The following ITGA2B variants were observed in gnomAD, a reference collection of about 807,000 sequenced individuals.
The protein encoded by ITGA2B is integrin subunit alpha 2b.
A neutral mutation model predicts 142.0 loss-of-function variants in ITGA2B; 91 were observed. The observed-to-expected ratio is 0.64, with a 90% CI of 0.54 to 0.76. The LOEUF is 0.76. ITGA2B is among the 30% of genes least tolerant of loss of function. The pLI, the probability that ITGA2B is intolerant of heterozygous loss-of-function variation, is 0.00. For missense variants in ITGA2B, 1,231 were observed against 1,350.8 expected (o/e 0.91, Z 1.39); for synonymous variants, 536 against 567.2 (o/e 0.94, Z 0.78).
rs372777804 is a variant in ITGA2B, at chr17:44,378,446, G to T, written c.2010C>A (p.Asn670Lys). Residue 670 changes from asparagine (N) to lysine (K), a missense_variant, in exon 20 of 30, where the codon AAC (asparagine) becomes AAA (lysine). Transcript: ENST00000262407. ...NVLELQMDAA[N>K]EGEGAYEAEL... ...CTGCTTCATAGGCCCCCTCGCCCTC[G>T]TTGGCTGCGTCCATCTGCAGCTCCA... The T allele has an allele frequency of 6.7e-5, 108 of 1,613,412 alleles. No individual in the cohort carries two copies. Among genetic ancestry groups the T allele is most frequent in the Non-Finnish European group, 9.0e-5 (106 of 1,179,878 alleles).
intron 1 of ITGA2B, among the ~76,000 whole-genome samples, chr17:44,387,708 C>T (rs1303071554): frequency 6.6e-6 from 1 of 151,248 alleles, no homozygotes; most frequent in Non-Finnish European, 1.5e-5. Flanking sequence ...GCCTGTAATC[C>T]CAGCTACGCG....
In ITGA2B at chr17:44,389,214, C is replaced by G; in HGVS notation, c.188+72G>C. 4.5e-6 allele frequency: 7 copies of G among 1,546,414 alleles called. 1 individual carries two copies. In the South Asian group the frequency reaches 5.6e-5, roughly 12 times the overall value. On this transcript the variant is annotated intron_variant, in intron 1 of 29. Transcript: ENST00000262407. ...CAACTGCTATCGCAAATGGGAAACT[C>G]GAAGCCCCCAGAAGCAGTGATGGGG... is the stretch of plus-strand genomic sequence containing the variant.
chr17:44,386,035 C>G lies in ITGA2B; in HGVS notation c.285G>C (p.Gln95His), dbSNP rs1170385270. Residue 95 changes from glutamine (Q) to histidine (H), a missense_variant, in exon 2 of 30, where the codon CAG becomes CAC. Gln to His is a conservative substitution (Grantham distance 24, BLOSUM62 0). Transcript: ENST00000262407. ...FLCPWRAEGG[Q>H]CPSLLFDLRD... ...GGAGGTCAAAGAGCAGCGAGGGGCA[C>G]TGGCCGCCCTCGGCCCTCCAGGGGC... 5.6e-6 allele frequency: 9 copies of G among 1,613,394 alleles called. No individual in the cohort carries two copies. The highest frequency in any genetic ancestry group is 1.3e-5 in the African/African-American group (1 of 74,920).
chr17:44,386,236 T>C, intron 1 of ITGA2B, 105 bp from the exon 2 acceptor site: 2 of 1,503,148 alleles, frequency 1.3e-6, no homozygotes, highest in South Asian at 2.4e-5. Flanking sequence ...ATGGGGGCAC[T>C]GGACCATCTT....
At chr17:44,388,511 C>A (rs2048669795) in intron 1 of ITGA2B, among the ~76,000 whole-genome samples, 1 of 151,262 alleles carries the variant, frequency 6.6e-6, no homozygotes, top group African/African-American at 2.4e-5. Flanking sequence ...CATGCGGCAC[C>A]ACGCCCGGCT....
At chr17:44,375,210 G>A in intron 26 of ITGA2B, 99 bp from the exon 27 acceptor site, 5 of 1,009,354 alleles carry the variant, frequency 5.0e-6, no homozygotes, top group Non-Finnish European at 7.5e-6. Context: ...GGGGCCGGGG[G>A]TTCAGGAAGC....
chr17:44,372,270 A>C lies in ITGA2B; in HGVS notation c.*94T>G, dbSNP rs2143416680. On this transcript the variant is annotated 3_prime_UTR_variant, in exon 30 of 30. Transcript: ENST00000262407. The stretch of plus-strand genomic sequence containing the variant: ...CGACACCAAGAGGACCCAATGGAAC[A>C]GCTCCAACCCAAAGCTTGGAGGCAA... 7.7e-7 allele frequency: 1 copy of C among 1,301,132 alleles called. No homozygotes were observed. The highest frequency in any genetic ancestry group is 1.1e-6 in the Non-Finnish European group (1 of 899,210). The allele number at this position is 1,301,132 out of a possible 1,614,324, so 80.6% of individuals were successfully genotyped here.
In ITGA2B at chr17:44,381,043, G is replaced by T; in HGVS notation, c.1229C>A (p.Pro410His). The T allele has an allele frequency of 6.2e-7, 1 of 1,613,548 alleles. No homozygotes were observed. The highest frequency in any genetic ancestry group is 8.5e-7 in the Non-Finnish European group (1 of 1,179,714). Residue 410 changes from proline to histidine, a missense_variant, in exon 13 of 30, where the codon CCC becomes CAC. Physicochemically the swap from Pro to His is moderately conservative, Grantham distance 77 (BLOSUM62 -2). This residue lies in a region of ITGA2B where 908 missense variants were observed against 1,021.1 expected (regional missense o/e 0.89). Coordinates refer to ENST00000262407, the MANE Select transcript of ITGA2B (RefSeq NM_000419.5). Reference sequence around the variant, plus strand: ...GCCCCGGCCACTGGGACCCCCGTAGGGGGCAGCCACTGCAATGTCTGGAAG... The same window carrying T: ...GCCCCGGCCACTGGGACCCCCGTAGTGGGCAGCCACTGCAATGTCTGGAAG... Reference protein sequence around the residue: ...DGYNDIAVAAPYGGPSGRGQV... With the variant: ...DGYNDIAVAAHYGGPSGRGQV...
intron 1 of ITGA2B, among the ~76,000 whole-genome samples, chr17:44,388,359 T>C (rs943217354): frequency 1.4e-5 from 2 of 144,938 alleles, no homozygotes; most frequent in African/African-American, 5.1e-5. Flanking sequence ...TTCTTTTTTT[T>C]TTTTTTTTTT....
Position 44,379,810 on chromosome 17 carries a change from T to G in ITGA2B, c.1757A>C (p.Glu586Ala). The G allele has an allele frequency of 6.2e-7, 1 of 1,613,806 alleles. No individual in the cohort carries two copies. The highest frequency in any genetic ancestry group is 8.5e-7 in the Non-Finnish European group (1 of 1,179,972). Residue 586 changes from glutamate (E) to alanine (A), a missense_variant, in exon 18 of 30, where the codon GAG becomes GCG. Coordinates refer to ENST00000262407, the MANE Select transcript of ITGA2B (RefSeq NM_000419.5). The stretch of plus-strand genomic sequence containing the variant: ...GCTCAGCTTGTCCCGGAAGTCTGCC[T>G]CATCCTAGGACAGGGGCAAGAGTCA... ...CHTTMAFLRD[E>A]ADFRDKLSPI...
chr17:44,389,440 A>C lies in ITGA2B; in HGVS notation c.34T>G (p.Trp12Gly). ...AGCAGCAGCACCCACTCCAGAAGCC[A>C]GAGGGCTTGCAGTGGACACAAAGCT... ...ARALCPLQAL[W>G]LLEWVLLLLG... The change falls in exon 1 of 30, where the codon TGG (tryptophan) becomes GGG (glycine). Residue 12 changes from tryptophan to glycine, a missense_variant. This residue lies in a region of ITGA2B where 318 missense variants were observed against 312.2 expected (regional missense o/e 1.02). Transcript: ENST00000262407. 1.2e-6 allele frequency: 2 copies of C among 1,614,102 alleles called. No individual in the cohort carries two copies. Among genetic ancestry groups the C allele is most frequent in the Non-Finnish European group, 1.7e-6 (2 of 1,180,024 alleles).
chr17:44,383,990 T>C, intron 10 of ITGA2B, 44 bp from the exon 11 acceptor site: 4 of 1,613,926 alleles, frequency 2.5e-6, no homozygotes, highest in Non-Finnish European at 3.4e-6. Flanking sequence ...TGGACAAGCA[T>C]CCTCTTTAAG....
At position 44,389,464 on chromosome 17, in the gene ITGA2B, C is replaced by A. The variant is rs537367984; in HGVS notation, c.10G>T (p.Ala4Ser). The change falls in exon 1 of 30, where the codon GCT (alanine) becomes TCT (serine). Residue 4 changes from alanine (A) to serine (S), a missense_variant. By Grantham distance (99) the Ala-to-Ser change is moderately conservative. Coordinates refer to ENST00000262407, the MANE Select transcript of ITGA2B (RefSeq NM_000419.5). The part of the protein sequence containing the change: MAR[A>S]LCPLQALWLL... ...CAGAGGGCTTGCAGTGGACACAAAG[C>A]TCTGGCCATCTTCCTTCTTCCACAA... is the stretch of plus-strand genomic sequence containing the variant. 6.8e-6 allele frequency: 11 copies of A among 1,613,372 alleles called. No homozygotes were observed. Among genetic ancestry groups the A allele is most frequent in the Non-Finnish European group, 9.3e-6 (11 of 1,179,962 alleles).
chr17:44,377,611 A>G, intron 21 of ITGA2B, 87 bp downstream of exon 21: 2 of 967,836 alleles, frequency 2.1e-6, no homozygotes, highest in Middle Eastern at 3.1e-4. Flanking sequence ...CTGGCCCAGA[A>G]CTATGTGGCT....
rs1047207912 is a variant in ITGA2B at position 44,379,916 on chromosome 17, C to T, written c.1752+86G>A. On this transcript the variant is annotated intron_variant, in intron 17 of 29. Coordinates refer to ENST00000262407, the MANE Select transcript of ITGA2B (RefSeq NM_000419.5). ...CTGACCACCCCCGGACTCACAGCAC[C>T]CAGCTCAGTGCCCCAGGGCTAGATG... 3.1e-6 allele frequency: 5 copies of T among 1,612,740 alleles called. No individual in the cohort carries two copies. The African/African-American group carries it at 6.7e-5, about 22-fold the overall frequency.
chr17:44,388,814 G>C (rs1381638495), intron 1 of ITGA2B, among the ~76,000 whole-genome samples: 2 of 129,622 alleles, frequency 1.5e-5, no homozygotes, highest in Non-Finnish European at 1.6e-5. Flanking sequence ...ACTGTGCCTG[G>C]TCTCTTTTTT....
chr17:44,382,786 G>T (rs1167051391), intron 12 of ITGA2B, among the ~76,000 whole-genome samples: 1 of 152,056 alleles, frequency 6.6e-6, no homozygotes, highest in African/African-American at 2.4e-5. Context: ...GCTCTTTAAC[G>T]CATGCTCTTC....
chr17:44,388,265 G>A (rs1398001119), intron 1 of ITGA2B, among the ~76,000 whole-genome samples: 1 of 151,858 alleles, frequency 6.6e-6, no homozygotes, highest in Non-Finnish European at 1.5e-5. Flanking sequence ...TGAGGGAAAT[G>A]GAACAGAAAT....
Position 44,383,598 on chromosome 17 carries a change from G to A in ITGA2B, c.1105C>T (p.His369Tyr). The A allele has an allele frequency of 6.2e-7, 1 of 1,610,618 alleles. No individual in the cohort carries two copies. The change falls in exon 12 of 30, where the codon CAC (histidine) becomes TAC (tyrosine). Residue 369 changes from histidine (H) to tyrosine (Y), a missense_variant. This residue lies in a region of ITGA2B where 908 missense variants were observed against 1,021.1 expected (regional missense o/e 0.89). Transcript: ENST00000262407. ...AGGAGGCTGGGGGCACCCAGCGCGT[G>A]GGGGCCTCGCGGCTGCAGGAACAAA... is the stretch of plus-strand genomic sequence containing the variant. ...VYLFLQPRGP[H>Y]ALGAPSLLLT...
Sources: gnomAD v4.1 joint callset for allele counts (sites outside exome capture counted in the v4.1 genomes callset) on GRCh38, gnomAD v4.1.1 for gene constraint, gnomAD v4.1.1 regional missense constraint, MANE v1.5 for transcripts, NCBI Gene and HGNC (gene_info 2026-07-23, HGNC 2026-07-21) for gene names.